Variants in TMPRSS3 observed in about 807,000 individuals in gnomAD.
The protein encoded by TMPRSS3 is transmembrane protease serine 3.
TMPRSS3 carries 55 observed loss-of-function variants against 59.6 expected under a neutral mutation model. The observed-to-expected ratio is 0.92, with a 90% CI of 0.74 to 1.16. The LOEUF (loss-of-function observed/expected upper bound fraction) is 1.16. Among genes scored for constraint, TMPRSS3 ranks in the 50% most tolerant of loss-of-function variants. The pLI is 0.00. For synonymous variants in TMPRSS3, 257 were observed against 237.7 expected (o/e 1.08, Z -0.75); for missense variants, 596 against 579.4 (o/e 1.03, Z -0.29).
At chr21:42,395,542 G>A (rs975784268) in intron 1 of TMPRSS3, 74 bp from the exon 2 acceptor site, 8 of 867,698 alleles carry the variant, frequency 9.2e-6, no homozygotes, top group African/African-American at 3.3e-5. Context: ...TTGGTCATAC[G>A]GTAAATCTTT....
At chr21:42,385,354 A>C (rs2052615773) in intron 6 of TMPRSS3, 55 bp downstream of exon 6, 2 of 1,611,130 alleles carry the variant, frequency 1.2e-6, no homozygotes, top group East Asian at 4.5e-5. Context: ...TAGCATCACA[A>C]ATCCAGCAGG....
chr21:42,395,010 T>G (rs2052783633), intron 2 of TMPRSS3, among the ~76,000 whole-genome samples: 1 of 152,208 alleles, frequency 6.6e-6, no homozygotes, highest in Admixed American at 6.5e-5. Flanking sequence ...CCTGGAGGAC[T>G]CAGAGATTTC....
rs1262262028 is a variant in TMPRSS3, at chr21:42,376,758, C to T, written c.1049-75G>A. ...AAACACAGAAGGCGCATGCTGAGAC[C>T]AGGGGGGTGAGGGAACGAGGGACGA... On this transcript the variant is annotated intron_variant, in intron 10 of 12. Transcript: ENST00000644384. 5.0e-6 allele frequency: 8 copies of T among 1,607,800 alleles called. No individual in the cohort carries two copies. The South Asian group carries it at 6.6e-5, about 13-fold the overall frequency.
intron 8 of TMPRSS3, 30 bp from the exon 9 acceptor site, chr21:42,382,264 C>T (rs1181442171): frequency 1.2e-6 from 2 of 1,603,000 alleles, no homozygotes; most frequent in South Asian, 1.1e-5. Context: ...AGGTGAAGCA[C>T]AGGAAAAGTC....
chr21:42,382,735 G>A (rs553551628), intron 8 of TMPRSS3: 4 of 486,630 alleles, frequency 8.2e-6, no homozygotes, highest in East Asian at 8.0e-5. Flanking sequence ...ATTAGCTATG[G>A]GAAGGTCTAG....
chr21:42,376,656 G>T lies in TMPRSS3; in HGVS notation c.1076C>A (p.Ala359Glu). ...GGDASPVLNHAAVPLISNKIC... is the reference protein window; with the variant it reads ...GGDASPVLNHEAVPLISNKIC... ...CTTGTTGGAAATCAAAGGGACGGCC[G>T]CGTGGTTCAGGACAGGGGAGGCGTC... is the stretch of plus-strand genomic sequence containing the variant. Residue 359 changes from alanine to glutamate, a missense_variant, in exon 11 of 13, where the codon GCG becomes GAG. By Grantham distance (107) the Ala-to-Glu change is moderately radical. Coordinates refer to ENST00000644384, the MANE Select transcript of TMPRSS3 (RefSeq NM_001256317.3). The T allele has an allele frequency of 6.2e-7, 1 of 1,614,136 alleles. No individual in the cohort carries two copies. The highest frequency in any genetic ancestry group is 2.2e-5 in the East Asian group (1 of 44,884).
intron 10 of TMPRSS3, 82 bp downstream of exon 10, chr21:42,380,035 A>C (rs1015385359): frequency 1.7e-6 from 2 of 1,180,606 alleles, no homozygotes; most frequent in Admixed American, 3.8e-5. Context: ...GGAACATCAC[A>C]ATGGGACATT....
chr21:42,396,043 G>C lies in TMPRSS3; in HGVS notation c.-153C>G. On this transcript the variant is annotated 5_prime_UTR_variant, in exon 1 of 13. Coordinates refer to ENST00000644384, the MANE Select transcript of TMPRSS3 (RefSeq NM_001256317.3). ...ACACAGCCCTTTCCTGGCTCACACG[G>C]GCATGACCTAATTAAGAACGAAAGT... The C allele has an allele frequency of 1.9e-6, 1 of 518,938 alleles. No homozygotes were observed. The highest frequency in any genetic ancestry group is 3.8e-6 in the Non-Finnish European group (1 of 259,862). The allele number at this position is 518,938 out of a possible 1,614,324, so 32.1% of individuals were successfully genotyped here.
At chr21:42,373,766 A>G (rs1031674519) in intron 12 of TMPRSS3, among the ~76,000 whole-genome samples, 2 of 152,110 alleles carry the variant, frequency 1.3e-5, no homozygotes, top group Non-Finnish European at 2.9e-5. Flanking sequence ...TAGTACAGGG[A>G]GGGTCACAGG....
In TMPRSS3 at chr21:42,388,899, G is replaced by A; in HGVS notation, c.322+30C>T. The A allele has an allele frequency of 6.3e-7, 1 of 1,595,622 alleles. No individual in the cohort carries two copies. Among genetic ancestry groups the A allele is most frequent in the Non-Finnish European group, 8.6e-7 (1 of 1,163,590 alleles). ...GGGTTGGCTTCTGCTGCTTCCTTCT[G>A]TTTCCCCAGGGGAAGAGCCATGACC... On this transcript the variant is annotated intron_variant, in intron 4 of 12. Coordinates refer to ENST00000644384, the MANE Select transcript of TMPRSS3 (RefSeq NM_001256317.3). This position sits in a 1 kb window ranked among gnomAD's most constrained non-coding sequence, Gnocchi z 5.1.
intron 9 of TMPRSS3, 131 bp from the exon 10 acceptor site, chr21:42,380,343 T>C (rs1378506190): frequency 1.0e-5 from 8 of 766,454 alleles, no homozygotes; most frequent in African/African-American, 1.7e-5. Context: ...CCTTGGTTAC[T>C]TGAAAACGAT....
chr21:42,372,809 T>C, intron 12 of TMPRSS3, 30 bp from the exon 13 acceptor site: 1 of 1,613,828 alleles, frequency 6.2e-7, no homozygotes, highest in Non-Finnish European at 8.5e-7. Context: ...CGTTATTGTT[T>C]TTAGCACTTC....
At chr21:42,380,248 G>T in intron 9 of TMPRSS3, 36 bp from the exon 10 acceptor site, 2 of 1,543,110 alleles carry the variant, frequency 1.3e-6, no homozygotes, top group East Asian at 4.5e-5. Flanking sequence ...CAACTCAATT[G>T]AAGCAGGAGT....
intron 10 of TMPRSS3, among the ~76,000 whole-genome samples, chr21:42,378,332 C>G (rs893847097): frequency 6.6e-6 from 1 of 152,210 alleles, no homozygotes; most frequent in Non-Finnish European, 1.5e-5. Flanking sequence ...CACTGAAATT[C>G]CTGTGTTAGG....
intron 8 of TMPRSS3, 24 bp downstream of exon 8, chr21:42,383,009 G>A (rs1298570987): frequency 6.2e-7 from 1 of 1,613,590 alleles, no homozygotes; most frequent in Admixed American, 1.7e-5. Context: ...ACAGGGGTCT[G>A]GGAAGATGGT....
At position 42,389,907 on chromosome 21, in the gene TMPRSS3, A is replaced by G. The variant is rs138939378; in HGVS notation, c.205+20T>C. The G allele has an allele frequency of 3.6e-5, 57 of 1,564,214 alleles. No homozygotes were observed. The highest frequency in any genetic ancestry group is 4.6e-5 in the Non-Finnish European group (52 of 1,134,276). On this transcript the variant is annotated intron_variant, in intron 3 of 12. Coordinates refer to ENST00000644384, the MANE Select transcript of TMPRSS3 (RefSeq NM_001256317.3). The stretch of plus-strand genomic sequence containing the variant: ...TTGGCTAGGTATTTGAGATCCTACT[A>G]AATAATGAATTGTACTCACTGCCCA...
At chr21:42,376,405 G>C (rs2146422948) in intron 11 of TMPRSS3, 136 bp downstream of exon 11, 1 of 1,274,944 alleles carries the variant, frequency 7.8e-7, no homozygotes, top group South Asian at 1.3e-5. Flanking sequence ...AGGAAAAGGA[G>C]TGATATCTTG....
rs1445661520 is a variant in TMPRSS3, at chr21:42,388,874, G to A, written c.322+55C>T. 6.8e-7 allele frequency: 1 copy of A among 1,460,112 alleles called. No individual in the cohort carries two copies. The highest frequency in any genetic ancestry group is 1.4e-5 in the African/African-American group (1 of 71,900). 90.4% of individuals were successfully genotyped at this position (1,460,112 alleles called of 1,614,324 possible). A position where few individuals can be genotyped will look rare whatever the true frequency, so the allele number is the denominator to read the frequency against. ...CCCATTTTACAGATGGGAAGGGTCA[G>A]GGTTGGCTTCTGCTGCTTCCTTCTG... On this transcript the variant is annotated intron_variant, in intron 4 of 12. Transcript: ENST00000644384. The surrounding 1 kb of genome is among the most constrained non-coding windows in gnomAD (Gnocchi z 5.1).
rs1333032125 is a variant in TMPRSS3 at position 42,388,287 on chromosome 21, G to C, written c.446+116C>G. 2 of 1,384,668 alleles carry C rather than the reference G, an allele frequency of 1.4e-6. No homozygotes were observed. Among genetic ancestry groups the C allele is most frequent in the Non-Finnish European group, 2.0e-6 (2 of 979,094 alleles). 85.8% of individuals were successfully genotyped at this position (1,384,668 alleles called of 1,614,324 possible). On this transcript the variant is annotated intron_variant, in intron 5 of 12. Coordinates refer to ENST00000644384, the MANE Select transcript of TMPRSS3 (RefSeq NM_001256317.3). This position sits in a 1 kb window ranked among gnomAD's most constrained non-coding sequence, Gnocchi z 5.1. The stretch of plus-strand genomic sequence containing the variant: ...TCGGGCATCCTAAGGTGGATGTGAG[G>C]ATGTAATCTGAGAGCGTTAAAGCAC...
Sources: allele counts gnomAD v4.1 joint callset (sites outside exome capture counted in the v4.1 genomes callset), GRCh38; gene constraint gnomAD v4.1.1; non-coding constraint Gnocchi (gnomAD v3.1); transcripts MANE v1.5; gene names NCBI Gene and HGNC (gene_info 2026-07-23, HGNC 2026-07-21).